SGK3: variants seen among roughly 807,000 people sequenced by gnomAD.
SGK3 encodes serine/threonine-protein kinase Sgk3.
A neutral mutation model predicts 68.5 loss-of-function variants in SGK3; 47 were observed. The ratio of observed to expected loss-of-function variants is 0.69; its 90% CI spans 0.54 to 0.87. The LOEUF (loss-of-function observed/expected upper bound fraction) is 0.87. SGK3 is among the 40% of genes least tolerant of loss of function. The probability of loss-of-function intolerance (pLI) is 0.00; values close to 1 mark genes in which losing one functional copy is unlikely to be tolerated. For missense variants in SGK3, 479 were observed against 575.5 expected, an observed-to-expected ratio of 0.83 and a Z score of 1.72; for synonymous variants, 181 against 189.1, an observed-to-expected ratio of 0.96 and a Z score of 0.35.
chr8:66,750,245 C>T (rs1272281072), intron 1 of SGK3, among the ~76,000 whole-genome samples: 1 of 152,012 alleles, frequency 6.6e-6, no homozygotes, highest in Non-Finnish European at 1.5e-5. Flanking sequence ...AAATGTTTTA[C>T]AAATAAAATG....
chr8:66,758,556 A>G (rs1806058036), intron 1 of SGK3, among the ~76,000 whole-genome samples: 1 of 152,118 alleles, frequency 6.6e-6, no homozygotes, highest in African/African-American at 2.4e-5. Flanking sequence ...CTATATATAG[A>G]TATATAAATC....
At chr8:66,848,005 A>G (rs145386948) in intron 15 of SGK3, among the ~76,000 whole-genome samples, 2 of 152,210 alleles carry the variant, frequency 1.3e-5, no homozygotes, top group African/African-American at 4.8e-5. Context: ...TAAATGCACA[A>G]AAATATTGAG....
chr8:66,850,687 T>C, intron 15 of SGK3, 144 bp from the exon 16 acceptor site: 1 of 741,346 alleles, frequency 1.3e-6, no homozygotes, highest in Non-Finnish European at 2.2e-6. Context: ...AATAACATCA[T>C]TTTGCCACAC....
intron 4 of SGK3, among the ~76,000 whole-genome samples, chr8:66,809,478 A>AAG (rs997819860): frequency 6.6e-6 from 1 of 152,198 alleles, no homozygotes; most frequent in Non-Finnish European, 1.5e-5. Context: ...AGAATGGTGA[A>AAG]AGTAATTATC....
At chr8:66,749,349 C>CAAA (rs1304408629) in intron 1 of SGK3, among the ~76,000 whole-genome samples, 2 of 152,006 alleles carry the variant, frequency 1.3e-5, no homozygotes, top group African/African-American at 2.4e-5. Context: ...CCATCTCTAC[C>CAAA]CACTACACTC....
At chr8:66,714,612 CT>C (rs1804581714) in intron 1 of SGK3, among the ~76,000 whole-genome samples, 1 of 152,078 alleles carries the variant, frequency 6.6e-6, no homozygotes, top group Non-Finnish European at 1.5e-5. Context: ...AGCAAGAAGG[CT>C]CATGTTCCTC....
chr8:66,847,864 CTT>C lies in SGK3; in HGVS notation c.1230+537_1230+538del, dbSNP rs34161130. Among the ~76,000 whole-genome samples the C allele has an allele frequency of 7.4e-3, 826 of 111,156 alleles. 8 individuals are homozygous for C. Among genetic ancestry groups the C allele is most frequent in the African/African-American group, 0.024 (739 of 30,704 alleles). The allele number at this position is 111,156 out of a possible 152,430, so 72.9% of individuals were successfully genotyped here. On this transcript the variant is annotated intron_variant, in intron 15 of 16. Transcript: ENST00000521198. ...GTCTTTTGCCTTGAACACTAAGTCA[CTT>C]TTTTTTTTTTTTTTTTTTTTAAGAA...
intron 1 of SGK3, among the ~76,000 whole-genome samples, chr8:66,747,282 G>T (rs73691571): frequency 0.13 from 19,936 of 151,994 alleles, 2,495 homozygotes; most frequent in African/African-American, 0.33. Context: ...CATTTTAATG[G>T]TTTTGTTGTT....
chr8:66,717,248 C>A (rs935986572), intron 1 of SGK3, among the ~76,000 whole-genome samples: 2 of 145,244 alleles, frequency 1.4e-5, no homozygotes, highest in Non-Finnish European at 3.0e-5. Flanking sequence ...AAAAAAAAAA[C>A]GCTGGGCTTG....
At chr8:66,817,226 A>G (rs1469337748) in intron 5 of SGK3, among the ~76,000 whole-genome samples, 2 of 151,974 alleles carry the variant, frequency 1.3e-5, no homozygotes, top group Admixed American at 1.3e-4. Flanking sequence ...AGGTCAAGAG[A>G]TGGAGACCAT....
chr8:66,809,625 G>C (rs1419882572), intron 4 of SGK3, among the ~76,000 whole-genome samples: 1 of 152,084 alleles, frequency 6.6e-6, no homozygotes, highest in Non-Finnish European at 1.5e-5. Flanking sequence ...AAAAATCAAG[G>C]ATTTATCTTG....
chr8:66,740,825 C>T (rs534419103), intron 1 of SGK3, among the ~76,000 whole-genome samples: 21 of 149,102 alleles, frequency 1.4e-4, no homozygotes, highest in South Asian at 8.4e-4. Context: ...AAGAATCACT[C>T]GAACCTGGGA....
At chr8:66,768,381 T>A (rs1235353892) in intron 1 of SGK3, among the ~76,000 whole-genome samples, 1 of 152,134 alleles carries the variant, frequency 6.6e-6, no homozygotes, top group African/African-American at 2.4e-5. Flanking sequence ...CCTTGAATGT[T>A]TCTTGTTGTA....
chr8:66,729,219 G>A (rs1302330526), intron 1 of SGK3, among the ~76,000 whole-genome samples: 1 of 147,294 alleles, frequency 6.8e-6, no homozygotes, highest in African/African-American at 2.5e-5. Flanking sequence ...CACTTTGGGA[G>A]GCCGAGGCAG....
chr8:66,807,622 A>G (rs917394842), intron 4 of SGK3, among the ~76,000 whole-genome samples: 8 of 152,194 alleles, frequency 5.3e-5, no homozygotes, highest in African/African-American at 1.2e-4. Flanking sequence ...AAAAACAGAG[A>G]TGGATAAGAT....
chr8:66,757,148 T>C (rs1806003615), intron 1 of SGK3, among the ~76,000 whole-genome samples: 1 of 150,232 alleles, frequency 6.7e-6, no homozygotes, highest in Non-Finnish European at 1.5e-5. Context: ...TTTTTTTTTT[T>C]TGAGACAGGG....
intron 12 of SGK3, among the ~76,000 whole-genome samples, chr8:66,840,509 TACAC>T (rs200445742): frequency 1.3e-5 from 2 of 151,880 alleles, no homozygotes; most frequent in African/African-American, 4.8e-5. Context: ...TGCGTAGAGC[TACAC>T]ACACACACAA....
intron 16 of SGK3, 86 bp from the exon 17 acceptor site, chr8:66,859,325 C>G: frequency 7.2e-7 from 1 of 1,383,308 alleles, no homozygotes; most frequent in Non-Finnish European, 9.4e-7. Context: ...CAGTGTGAGA[C>G]TCTGTCTCAA....
At chr8:66,773,980 T>A (rs1310526595) in intron 1 of SGK3, among the ~76,000 whole-genome samples, 1 of 152,170 alleles carries the variant, frequency 6.6e-6, no homozygotes, top group Non-Finnish European at 1.5e-5. Flanking sequence ...GTTGAATGAG[T>A]GATGCCGGAG....
Sources: gnomAD v4.1 joint callset for allele counts (sites outside exome capture counted in the v4.1 genomes callset) on GRCh38, gnomAD v4.1.1 for gene constraint, MANE v1.5 for transcripts, NCBI Gene and HGNC (gene_info 2026-07-23, HGNC 2026-07-21) for gene names.